Variants in ADAM29 observed in about 807,000 individuals in gnomAD.
The protein encoded by ADAM29 is disintegrin and metalloproteinase domain-containing protein 29.
For missense variants in ADAM29, 969 were observed against 1,001.8 expected (o/e 0.97, Z 0.44); for synonymous variants, 367 against 342.3 (o/e 1.07, Z -0.80).
chr4:174,951,354 C>T, intron 4 of ADAM29, among the ~76,000 whole-genome samples: 1 of 152,174 alleles, frequency 6.6e-6, no homozygotes, highest in South Asian at 2.1e-4. Context: ...CTTATTATTA[C>T]TTCACACTTC....
intron 4 of ADAM29, 33 bp downstream of exon 4, chr4:174,937,046 A>T (rs1744244554): frequency 6.6e-6 from 1 of 152,174 alleles, no homozygotes; most frequent in East Asian, 1.9e-4. Flanking sequence ...ACTTCTTAGT[A>T]CAAGGGGGTT....
intron 4 of ADAM29, among the ~76,000 whole-genome samples, chr4:174,937,925 GT>G (rs777173025): frequency 5.9e-5 from 9 of 152,048 alleles, no homozygotes; most frequent in Non-Finnish European, 1.3e-4. Flanking sequence ...GTTAGGGCAA[GT>G]TTTTCAGAAA....
chr4:174,972,178 G>T (rs1312711301), intron 4 of ADAM29, among the ~76,000 whole-genome samples: 1 of 152,040 alleles, frequency 6.6e-6, no homozygotes, highest in Admixed American at 6.6e-5. Context: ...GTTTCATTAG[G>T]GTTGGTTTCT....
At chr4:174,963,667 G>A (rs3924572) in intron 4 of ADAM29, among the ~76,000 whole-genome samples, 55,270 of 150,092 alleles carry the variant, frequency 0.37, 10,281 homozygotes, top group Middle Eastern at 0.43. Context: ...AAAACTTGAA[G>A]GACAAATAGT....
Position 174,977,859 on chromosome 4 carries a change from A to C in ADAM29, c.2334A>C (p.Gln778His), listed in dbSNP as rs1393260314. The change falls in exon 5 of 5, where the codon CAA (glutamine) becomes CAC (histidine). Residue 778 changes from glutamine to histidine, a missense_variant. By Grantham distance (24) the Gln-to-His change is conservative. Transcript: ENST00000359240. ...SQPRVMPSQSQPPVMPSQSHP... is the reference protein window; with the variant it reads ...SQPRVMPSQSHPPVMPSQSHP... ...CTCGGGTGATGCCTTCTCAGAGTCAACCTCCTGTGATGCCTTCCCAGAGTC... is the reference window on the plus strand; with the variant it reads ...CTCGGGTGATGCCTTCTCAGAGTCACCCTCCTGTGATGCCTTCCCAGAGTC... The C allele has an allele frequency of 3.8e-6, 6 of 1,586,654 alleles. No homozygotes were observed. Among genetic ancestry groups the C allele is most frequent in the Middle Eastern group, 3.4e-4 (2 of 5,950 alleles).
Position 174,977,149 on chromosome 4 carries a change from A to G in ADAM29, c.1624A>G (p.Ile542Val), listed in dbSNP as rs1172516019. The change falls in exon 5 of 5, where the codon ATA becomes GTA. Residue 542 changes from isoleucine to valine, a missense_variant. Ile to Val is a conservative substitution (Grantham distance 29, BLOSUM62 3). Transcript: ENST00000359240. ...GHCGIKNATY[I>V]KCNISDVQCG... Reference sequence around the variant, plus strand: ...CTGTGGTATCAAAAATGCTACATATATAAAGTGTAATATCTCAGATGTCCA... The same window carrying G: ...CTGTGGTATCAAAAATGCTACATATGTAAAGTGTAATATCTCAGATGTCCA... 4 of 1,614,156 alleles carry G rather than the reference A, an allele frequency of 2.5e-6. No individual in the cohort carries two copies. The highest frequency in any genetic ancestry group is 1.7e-4 in the Middle Eastern group (1 of 6,060).
intron 2 of ADAM29, among the ~76,000 whole-genome samples, chr4:174,921,749 G>A (rs966237131): frequency 6.6e-6 from 1 of 152,086 alleles, no homozygotes; most frequent in East Asian, 1.9e-4. Flanking sequence ...GTAATATATG[G>A]AAGGTGTATT....
At chr4:174,954,326 T>A (rs911676422) in intron 4 of ADAM29, among the ~76,000 whole-genome samples, 1 of 152,218 alleles carries the variant, frequency 6.6e-6, no homozygotes, top group Non-Finnish European at 1.5e-5. Flanking sequence ...ATAATTTTTA[T>A]CTTCAAACCA....
At chr4:174,967,330 A>G (rs542477818) in intron 4 of ADAM29, among the ~76,000 whole-genome samples, 1 of 152,214 alleles carries the variant, frequency 6.6e-6, no homozygotes, top group East Asian at 1.9e-4. Context: ...TTTTATTATT[A>G]TTATTACTAT....
chr4:174,962,222 C>G (rs943945063), intron 4 of ADAM29, among the ~76,000 whole-genome samples: 7 of 152,002 alleles, frequency 4.6e-5, no homozygotes, highest in African/African-American at 1.2e-4. Flanking sequence ...AAAAGATTTA[C>G]AGTTAGAGGC....
chr4:174,928,588 A>G (rs1410439813), intron 2 of ADAM29, among the ~76,000 whole-genome samples: 1 of 150,552 alleles, frequency 6.6e-6, no homozygotes, highest in Non-Finnish European at 1.5e-5. Context: ...AAAAGACACC[A>G]GCCAGAGTTG....
chr4:174,972,635 T>C (rs1205129208), intron 4 of ADAM29, among the ~76,000 whole-genome samples: 1 of 152,120 alleles, frequency 6.6e-6, no homozygotes, highest in South Asian at 2.1e-4. Flanking sequence ...CTTGGGATAT[T>C]TTTTCTGCTT....
chr4:174,952,393 C>A (rs777166884), intron 4 of ADAM29, among the ~76,000 whole-genome samples: 9 of 151,194 alleles, frequency 6.0e-5, no homozygotes, highest in Non-Finnish European at 1.2e-4. Flanking sequence ...TTAATTACAG[C>A]AGTTTAAAAT....
At chr4:174,953,236 A>G (rs1242827648) in intron 4 of ADAM29, among the ~76,000 whole-genome samples, 3 of 152,172 alleles carry the variant, frequency 2.0e-5, no homozygotes, top group Non-Finnish European at 2.9e-5. Flanking sequence ...CAGTGAGCTG[A>G]GATTGAGCCA....
rs1385185302 is a variant in ADAM29, at chr4:174,976,656, T to C, written c.1131T>C (p.Tyr377=). ...SNCSYGDFWE[Y]TVERTKCLLE... The stretch of plus-strand genomic sequence containing the variant: ...GTAGTTATGGTGATTTTTGGGAATA[T>C]ACTGTAGAGAGGACAAAGTGTTTGC... The change falls in exon 5 of 5, where the codon TAT becomes TAC. Residue 377 remains tyrosine (Y), a synonymous_variant. Transcript: ENST00000359240. 1.2e-6 allele frequency: 2 copies of C among 1,613,750 alleles called. No homozygotes were observed. The highest frequency in any genetic ancestry group is 1.1e-5 in the South Asian group (1 of 91,018).
intron 4 of ADAM29, among the ~76,000 whole-genome samples, chr4:174,969,426 T>C (rs1052458190): frequency 2.6e-5 from 4 of 151,890 alleles, no homozygotes; most frequent in Non-Finnish European, 5.9e-5. Context: ...AAAAAATATC[T>C]TTTTTTCTGA....
At chr4:174,925,031 CTA>C (rs1743419934) in intron 2 of ADAM29, among the ~76,000 whole-genome samples, 1 of 152,152 alleles carries the variant, frequency 6.6e-6, no homozygotes, top group South Asian at 2.1e-4. Flanking sequence ...ATAAATTATT[CTA>C]ACCATCAAAC....
At chr4:174,932,712 C>T (rs1743968144) in intron 3 of ADAM29, among the ~76,000 whole-genome samples, 2 of 152,178 alleles carry the variant, frequency 1.3e-5, no homozygotes, top group Admixed American at 6.5e-5. Context: ...CTTCTTTTCC[C>T]CTTTGTCCAA....
At chr4:174,964,537 A>G (rs1485390701) in intron 4 of ADAM29, among the ~76,000 whole-genome samples, 1 of 152,152 alleles carries the variant, frequency 6.6e-6, no homozygotes. Flanking sequence ...TTAAGAAAAT[A>G]TGAAACATGA....
Sources: gnomAD v4.1 joint callset for allele counts (sites outside exome capture counted in the v4.1 genomes callset) on GRCh38, gnomAD v4.1.1 for gene constraint, MANE v1.5 for transcripts, NCBI Gene and HGNC (gene_info 2026-07-23, HGNC 2026-07-21) for gene names.